DOK7: variants seen among roughly 807,000 people sequenced by gnomAD.
The protein encoded by DOK7 is docking protein 7.
Under a neutral mutation model 30.7 loss-of-function variants are expected in DOK7, and 32 were observed. That is an observed-to-expected ratio of 1.04 (90% CI 0.79 to 1.40). The LOEUF (loss-of-function observed/expected upper bound fraction) is 1.40, where lower values mean the gene tolerates loss of function less well. Ranked by LOEUF, DOK7 falls within the 40% of genes most tolerant of loss-of-function variation. The pLI is 0.00. For synonymous variants in DOK7, 447 were observed against 324.1 expected, an observed-to-expected ratio of 1.38 and a Z score of -4.07; for missense variants, 1,007 against 699.2, an observed-to-expected ratio of 1.44 and a Z score of -4.97.
At chr4:3,491,346 C>T (rs1728416619) in intron 6 of DOK7, among the ~76,000 whole-genome samples, 2 of 144,544 alleles carry the variant, frequency 1.4e-5, no homozygotes, top group African/African-American at 2.7e-5. Flanking sequence ...TCCTTCTTCG[C>T]CTGCTTGTTC....
chr4:3,486,826 C>T (rs533839967), intron 5 of DOK7, among the ~76,000 whole-genome samples: 70 of 152,162 alleles, frequency 4.6e-4, no homozygotes, highest in East Asian at 1.7e-3. Context: ...CTGTGCAAGG[C>T]GAGGGTGTGC....
At position 3,492,865 on chromosome 4, in the gene DOK7, C is replaced by T. The variant is rs898423064; in HGVS notation, c.879C>T (p.Ser293=). ...AWPEQSSSSA[S]TSQEGPRPAA... ...CAGAGCAATCCTCGTCGTCAGCCAG[C>T]ACGTCACAGGAGGGGCCTAGACCAG... The change falls in exon 7 of 7, where the codon AGC becomes AGT. Residue 293 remains serine, a synonymous_variant. Coordinates refer to ENST00000340083, the MANE Select transcript of DOK7 (RefSeq NM_173660.5). 1.9e-6 allele frequency: 3 copies of T among 1,608,410 alleles called. No individual in the cohort carries two copies. Among genetic ancestry groups the T allele is most frequent in the East Asian group, 4.5e-5 (2 of 44,680 alleles).
chr4:3,484,882 C>G (rs1038187850), intron 4 of DOK7: 1 of 985,320 alleles, frequency 1.0e-6, no homozygotes, highest in Non-Finnish European at 1.2e-6. Flanking sequence ...TGAATGCAGC[C>G]CTCCCAACAG....
intron 5 of DOK7, among the ~76,000 whole-genome samples, chr4:3,486,856 G>A (rs1727835600): frequency 6.6e-6 from 1 of 152,062 alleles, no homozygotes; most frequent in South Asian, 2.1e-4. Flanking sequence ...GGCGGGGACA[G>A]GGCCGGGCAG....
chr4:3,490,630 T>TGCCC (rs202010657), intron 6 of DOK7, among the ~76,000 whole-genome samples: 1 of 36,014 alleles, frequency 2.8e-5, no homozygotes, highest in Non-Finnish European at 4.4e-5. Context: ...TCCTTCCCTC[T>TGCCC]CCGCCTGCTC....
At chr4:3,490,123 T>TCTTCACCCCC (rs1560225785) in intron 6 of DOK7, among the ~76,000 whole-genome samples, 7 of 120,856 alleles carry the variant, frequency 5.8e-5, no homozygotes, top group Non-Finnish European at 8.6e-5. Context: ...TTCATTCCTT[T>TCTTCACCCCC]TCTCCCTGCT....
At position 3,493,740 on chromosome 4, in the gene DOK7, GCCCCA is replaced by G; in HGVS notation, c.*240_*244del. On this transcript the variant is annotated 3_prime_UTR_variant, in exon 7 of 7. Coordinates refer to ENST00000340083, the MANE Select transcript of DOK7 (RefSeq NM_173660.5). ...GGTCCGGCAGGTCGGGGTCACCAGA[GCCCCA>G]ATGCTCAGCTGCTTCACTCCGTGTC... 4 of 1,420,730 alleles carry G rather than the reference GCCCCA, an allele frequency of 2.8e-6. No homozygotes were observed. The South Asian group carries it at 4.6e-5, about 16-fold the overall frequency. The allele number at this position is 1,420,730 out of a possible 1,614,324, so 88.0% of individuals were successfully genotyped here. A position where few individuals can be genotyped will look rare whatever the true frequency, so the allele number is the denominator to read the frequency against.
At chr4:3,491,931 C>T (rs1489025689) in intron 6 of DOK7, among the ~76,000 whole-genome samples, 1 of 152,234 alleles carries the variant, frequency 6.6e-6, no homozygotes, top group African/African-American at 2.4e-5. Context: ...CCGGCCAGTG[C>T]CCTCTGATCA....
In DOK7 at chr4:3,489,800, G is replaced by GGCGGGCA. The variant is rs1728080497; in HGVS notation, c.772+5_772+6insCGGGCAG. The GGCGGGCA allele has an allele frequency of 2.5e-6, 4 of 1,570,688 alleles. No homozygotes were observed. The highest frequency in any genetic ancestry group is 3.5e-6 in the Non-Finnish European group (4 of 1,157,648). On this transcript the variant is annotated splice_donor_region_variant and intron_variant, in intron 6 of 6. Coordinates refer to ENST00000340083, the MANE Select transcript of DOK7 (RefSeq NM_173660.5). The stretch of plus-strand genomic sequence containing the variant: ...GCGGGCAGGCCGGGCAGTGGAGGTA[G>GGCGGGCA]GGCCGGGGGCTGACCTGGGCTGTGG...
Position 3,464,653 on chromosome 4 carries a change from T to C in DOK7, c.100+1102T>C, listed in dbSNP as rs558123343. The stretch of plus-strand genomic sequence containing the variant: ...CCGTGGTGGGGCAGGTGATGCTTGG[T>C]GGATGGTGCTGGGCTGGAGCCGGTG... On this transcript the variant is annotated intron_variant, in intron 2 of 6. Transcript: ENST00000340083. 2.6e-5 allele frequency among the ~76,000 whole-genome samples: 4 copies of C among 152,202 alleles called. No homozygotes were observed. In the South Asian group the frequency reaches 8.3e-4, roughly 32 times the overall value.
At chr4:3,478,433 TG>T (rs1261670847) in intron 4 of DOK7, among the ~76,000 whole-genome samples, 1 of 151,534 alleles carries the variant, frequency 6.6e-6, no homozygotes, top group East Asian at 1.9e-4. Flanking sequence ...TGGGGCCGTC[TG>T]TCTTGCTGCT....
At chr4:3,470,274 T>C (rs1046006973) in intron 2 of DOK7, among the ~76,000 whole-genome samples, 1 of 152,204 alleles carries the variant, frequency 6.6e-6, no homozygotes, top group African/African-American at 2.4e-5. Context: ...GTTCAGACAA[T>C]CCAGGATCCT....
rs1577194330 is a variant in DOK7, at chr4:3,500,781, G to A, written c.1351G>A (p.Glu451Lys). ...GGTGCGGCACGCACGGGCCCGGGAG[G>A]AGCAGCTGTCGGAGCTGGAGCAGAG... The change falls in exon 8 of 8, where the codon GAG becomes AAG. Residue 451 changes from glutamate to lysine, a missense_variant. Physicochemically the swap from Glu to Lys is moderately conservative, Grantham distance 56. Coordinates refer to the DOK7 transcript ENST00000643608. The A allele has an allele frequency of 2.6e-6, 4 of 1,534,308 alleles. No individual in the cohort carries two copies. The African/African-American group carries it at 5.5e-5, about 21-fold the overall frequency.
downstream of DOK7, among the ~76,000 whole-genome samples, chr4:3,496,011 CCCA>C (rs1194553749): frequency 6.6e-6 from 1 of 152,204 alleles, no homozygotes; most frequent in Non-Finnish European, 1.5e-5. Flanking sequence ...CCAGCCCCCA[CCCA>C]CGAGGCCCCT....
In DOK7 at chr4:3,492,826, G is replaced by T; in HGVS notation, c.840G>T (p.Arg280=). The T allele has an allele frequency of 6.2e-7, 1 of 1,612,484 alleles. No individual in the cohort carries two copies. Among genetic ancestry groups the T allele is most frequent in the East Asian group, 2.2e-5 (1 of 44,870 alleles). Residue 280 remains arginine, a synonymous_variant, in exon 7 of 7, where the codon CGG becomes CGT. Transcript: ENST00000340083. ...ASHLDVSASS[R]LTAWPEQSSS... is the part of the protein sequence containing the mutation. ...ACTTGGACGTCAGCGCCAGCAGCCG[G>T]CTCACCGCATGGCCAGAGCAATCCT...
chr4:3,493,845 G>C lies in DOK7; in HGVS notation c.*344G>C, dbSNP rs1162401798. 9 of 1,186,682 alleles carry C rather than the reference G, an allele frequency of 7.6e-6. No individual in the cohort carries two copies. The highest frequency in any genetic ancestry group is 9.4e-6 in the Non-Finnish European group (9 of 956,792). The allele number at this position is 1,186,682 out of a possible 1,614,324, so 73.5% of individuals were successfully genotyped here. On this transcript the variant is annotated 3_prime_UTR_variant, in exon 7 of 7. Coordinates refer to ENST00000340083, the MANE Select transcript of DOK7 (RefSeq NM_173660.5). ...TTGCACTGGGGTGCCAAGGGCTGGA[G>C]GCCCTGCCGCTGGCCTTGTCCTCCT... is the stretch of plus-strand genomic sequence containing the variant.
intron 4 of DOK7, chr4:3,484,966 T>A: frequency 1.2e-6 from 1 of 821,526 alleles, no homozygotes; most frequent in Non-Finnish European, 1.5e-6. Context: ...CACAGCTCCC[T>A]TCTCCTGTGG....
chr4:3,468,508 G>GTGCGTGTATGTGTGTGAC (rs1199830338), intron 2 of DOK7, among the ~76,000 whole-genome samples: 4 of 144,248 alleles, frequency 2.8e-5, no homozygotes, highest in African/African-American at 5.6e-5. Flanking sequence ...ATGTGCGTGT[G>GTGCGTGTATGTGTGTGAC]TGCGTGTATG....
At chr4:3,490,146 C>T (rs1235204849) in intron 6 of DOK7, among the ~76,000 whole-genome samples, 109 of 71,592 alleles carry the variant, frequency 1.5e-3, no homozygotes, top group East Asian at 8.3e-3. Context: ...TTCATTCCTT[C>T]CTTCCCCACC....
Sources: allele counts gnomAD v4.1 joint callset (sites outside exome capture counted in the v4.1 genomes callset), GRCh38; gene constraint gnomAD v4.1.1; transcripts MANE v1.5; gene names NCBI Gene and HGNC (gene_info 2026-07-23, HGNC 2026-07-21).